MEIOB: variants seen among roughly 807,000 people sequenced by gnomAD.
MEIOB encodes the protein meiosis specific with OB-fold, also known as meiosis-specific with OB domain-containing protein.
In MEIOB, 50 loss-of-function variants were observed where a neutral mutation model predicts 53.1. The observed-to-expected ratio is 0.94, with a 90% CI of 0.75 to 1.19. The LOEUF is 1.19. Ranked by LOEUF, MEIOB falls within the 50% of genes most tolerant of loss-of-function variation. MEIOB has a pLI of 0.00. For missense variants in MEIOB, 551 were observed against 550.8 expected, an observed-to-expected ratio of 1.00 and a Z score of 0.00; for synonymous variants, 192 against 182.5, an observed-to-expected ratio of 1.05 and a Z score of -0.42.
intron 2 of MEIOB, among the ~76,000 whole-genome samples, chr16:1,867,462 A>ATTTTT (rs869208139): frequency 5.8e-5 from 6 of 102,930 alleles, no homozygotes; most frequent in African/African-American, 2.0e-4. Flanking sequence ...AAATGGTTTA[A>ATTTTT]TTTTTTTTTT....
intron 4 of MEIOB, among the ~76,000 whole-genome samples, chr16:1,861,236 G>C (rs1899433233): frequency 6.6e-6 from 1 of 152,140 alleles, no homozygotes; most frequent in Non-Finnish European, 1.5e-5. Flanking sequence ...AGAGATACTG[G>C]GGTGAGTAGA....
intron 13 of MEIOB, among the ~76,000 whole-genome samples, chr16:1,836,525 GAA>G (rs1450841209): frequency 3.4e-5 from 5 of 147,224 alleles, no homozygotes; most frequent in African/African-American, 9.8e-5. Flanking sequence ...GCTAACTGTT[GAA>G]GAGATGCAGC....
intron 10 of MEIOB, among the ~76,000 whole-genome samples, chr16:1,842,727 G>C (rs1452164247): frequency 6.6e-6 from 1 of 150,500 alleles, no homozygotes; most frequent in Non-Finnish European, 1.5e-5. Context: ...GCAGTGGCGC[G>C]ATCTCGGCTC....
chr16:1,838,588 A>T (rs1898811391), intron 12 of MEIOB, among the ~76,000 whole-genome samples: 1 of 152,192 alleles, frequency 6.6e-6, no homozygotes, highest in Non-Finnish European at 1.5e-5. Flanking sequence ...AACACAGCCA[A>T]ATCTTCCTAG....
In MEIOB at chr16:1,853,502, G is replaced by A. The variant is rs145661051; in HGVS notation, c.630-231C>T. 1.9e-3 allele frequency among the ~76,000 whole-genome samples: 294 copies of A among 152,256 alleles called. 4 individuals carry two copies. Among genetic ancestry groups the A allele is most frequent in the African/African-American group, 6.8e-3 (282 of 41,532 alleles). ...CTCTCCTCTAGTAATACTCTGCTCTGCCAATTCTTAATTTATTTTTCCAAC... is the reference window on the plus strand; with the variant it reads ...CTCTCCTCTAGTAATACTCTGCTCTACCAATTCTTAATTTATTTTTCCAAC... On this transcript the variant is annotated intron_variant, in intron 7 of 13. Coordinates refer to ENST00000325962, the MANE Select transcript of MEIOB (RefSeq NM_001163560.3).
At chr16:1,839,112 G>A in intron 12 of MEIOB, 143 bp downstream of exon 12, 1 of 959,138 alleles carries the variant, frequency 1.0e-6, no homozygotes, top group Admixed American at 3.2e-5. Flanking sequence ...AGCAATGTGT[G>A]TTTAAAGCAA....
intron 6 of MEIOB, among the ~76,000 whole-genome samples, chr16:1,856,643 G>T (rs1335881375): frequency 1.3e-5 from 2 of 151,958 alleles, no homozygotes; most frequent in East Asian, 3.9e-4. Context: ...TGTATTTTTA[G>T]TGGCGATGGT....
intron 9 of MEIOB, among the ~76,000 whole-genome samples, chr16:1,847,334 C>T (rs565873208): frequency 1.5e-3 from 221 of 151,840 alleles, no homozygotes; most frequent in African/African-American, 4.8e-3. Flanking sequence ...TGGTGGTGCG[C>T]GCCTGTAATC....
Position 1,839,396 on chromosome 16 carries a change from G to A in MEIOB, c.1077C>T (p.Cys359=). The stretch of plus-strand genomic sequence containing the variant: ...CCAAGGAGTTTTTGTTGCAAGTTGT[G>A]CACATGTTAGATGCTTCATTTACAA... The part of the protein sequence containing the change: ...GYIVNEASNM[C]TTCNKNSLDF... Residue 359 remains cysteine (C), a synonymous_variant, in exon 12 of 14, where the codon TGC becomes TGT. Transcript: ENST00000325962. The A allele has an allele frequency of 6.2e-7, 1 of 1,613,804 alleles. No homozygotes were observed. The highest frequency in any genetic ancestry group is 8.5e-7 in the Non-Finnish European group (1 of 1,179,916).
chr16:1,871,875 C>CA, intron 1 of MEIOB, 118 bp downstream of exon 1: 1 of 6,520 alleles, frequency 1.5e-4, no homozygotes, highest in Non-Finnish European at 4.3e-4. Context: ...GCAGGGGAAT[C>CA]CTTGAACCAG....
chr16:1,848,987 G>A (rs906126507), intron 9 of MEIOB, among the ~76,000 whole-genome samples: 1 of 150,542 alleles, frequency 6.6e-6, no homozygotes, highest in Non-Finnish European at 1.5e-5. Context: ...TAGGCAAAAG[G>A]TATATAAGAT....
chr16:1,857,735 C>T lies in MEIOB; in HGVS notation c.528G>A (p.Ser176=), dbSNP rs1479412410. The T allele has an allele frequency of 2.6e-6, 4 of 1,550,738 alleles. No homozygotes were observed. The highest frequency in any genetic ancestry group is 2.7e-5 in the African/African-American group (2 of 73,024). The change falls in exon 6 of 14, where the codon TCG becomes TCA. Residue 176 remains serine, a splice_region_variant and synonymous_variant. Transcript: ENST00000325962. ...TGGCTTTGTCGGGGTTTTAACTTAC[C>T]GATTTCACAGCTGCAAGCACGTTAA... is the stretch of plus-strand genomic sequence containing the variant. ...RIINVLAAVK[S]VGEPKYFTTS...
intron 2 of MEIOB, among the ~76,000 whole-genome samples, chr16:1,867,258 C>T (rs1278596735): frequency 6.6e-6 from 1 of 152,012 alleles, no homozygotes; most frequent in Non-Finnish European, 1.5e-5. Flanking sequence ...ACTTAGTTTT[C>T]TTTTAAGTAA....
chr16:1,850,143 A>T (rs2142086654), intron 9 of MEIOB, among the ~76,000 whole-genome samples: 1 of 152,276 alleles, frequency 6.6e-6, no homozygotes, highest in South Asian at 2.1e-4. Context: ...CTGTCTCATT[A>T]ATGAGATCTT....
chr16:1,866,462 T>G (rs553722625), intron 2 of MEIOB, among the ~76,000 whole-genome samples: 1 of 152,128 alleles, frequency 6.6e-6, no homozygotes, highest in Non-Finnish European at 1.5e-5. Context: ...GGCTCACACG[T>G]GTAATCCCAG....
At position 1,853,290 on chromosome 16, in the gene MEIOB, A is replaced by T. The variant is rs1899217101; in HGVS notation, c.630-19T>A. 1 of 1,523,290 alleles carries T rather than the reference A, an allele frequency of 6.6e-7. No homozygotes were observed. The allele number at this position is 1,523,290 out of a possible 1,614,324, so 94.4% of individuals were successfully genotyped here. ...ATCCCAACTGCATTTGTTTAAAAAG[A>T]AGTAATACAAATTGAATACACTAGA... On this transcript the variant is annotated intron_variant, in intron 7 of 13. Coordinates refer to ENST00000325962, the MANE Select transcript of MEIOB (RefSeq NM_001163560.3).
intron 10 of MEIOB, among the ~76,000 whole-genome samples, chr16:1,844,374 T>C (rs1371889331): frequency 6.6e-6 from 1 of 151,310 alleles, no homozygotes; most frequent in Non-Finnish European, 1.5e-5. Flanking sequence ...TCCCTCCACC[T>C]TGGTTTCCCA....
intron 2 of MEIOB, 111 bp from the exon 3 acceptor site, chr16:1,865,946 G>A (rs1385923029): frequency 4.5e-6 from 3 of 674,070 alleles, no homozygotes; most frequent in Non-Finnish European, 7.4e-6. Context: ...TTTCTGACTA[G>A]GAACCATTTA....
In MEIOB at chr16:1,839,787, G is replaced by A. The variant is rs942575349; in HGVS notation, c.1035-349C>T. 7.4e-5 allele frequency: 14 copies of A among 189,198 alleles called. No individual in the cohort carries two copies. The East Asian group carries it at 1.3e-3, about 18-fold the overall frequency. 11.7% of individuals were successfully genotyped at this position (189,198 alleles called of 1,614,324 possible). ...CTCTTGGAACAGCAGCAGAGTGCAC[G>A]CCTCAGGACTGACTGGTGCTGTTGC... On this transcript the variant is annotated intron_variant, in intron 11 of 13. Coordinates refer to ENST00000325962, the MANE Select transcript of MEIOB (RefSeq NM_001163560.3).
Sources: gnomAD v4.1 joint callset for allele counts (sites outside exome capture counted in the v4.1 genomes callset) on GRCh38, gnomAD v4.1.1 for gene constraint, MANE v1.5 for transcripts, NCBI Gene and HGNC (gene_info 2026-07-23, HGNC 2026-07-21) for gene names.